Variants in CD99 observed in about 807,000 individuals in gnomAD.
CD99 encodes the protein CD99 molecule (Xg blood group).
Under a neutral mutation model 28.4 loss-of-function variants are expected in CD99, and 19 were observed. The ratio of observed to expected loss-of-function variants is 0.67; its 90% CI spans 0.47 to 0.98. The LOEUF is 0.98. Ranked by LOEUF, CD99 falls within the 50% of genes least tolerant of loss-of-function variation. The pLI, the probability that CD99 is intolerant of heterozygous loss-of-function variation, is 0.00. For missense variants in CD99, 283 were observed against 248.8 expected (o/e 1.14, Z -0.92); for synonymous variants, 103 against 92.1 (o/e 1.12, Z -0.67).
At chrX:2,726,826 T>TG (rs2049312126) in intron 8 of CD99, among the ~76,000 whole-genome samples, 1 of 151,894 alleles carries the variant, frequency 6.6e-6, no homozygotes, top group East Asian at 1.9e-4. Context: ...CTTTCTCCAC[T>TG]GAGAGTTAAG....
Position 2,722,659 on chromosome X carries a change from G to A in CD99, c.295G>A (p.Val99Ile), listed in dbSNP as rs371054157. ...TTCAGATGCTGACCTTGCGGATGGC[G>A]TTTCAGGTGGAGAAGGTACAGTTAT... ...SFSDADLADGVSGGEGKGGSD... is the reference protein window; with the variant it reads ...SFSDADLADGISGGEGKGGSD... Residue 99 changes from valine to isoleucine, a missense_variant, in exon 6 of 10, where the codon GTT (valine) becomes ATT (isoleucine). By Grantham distance (29) the Val-to-Ile change is conservative. Transcript: ENST00000381192. 3.7e-5 allele frequency: 59 copies of A among 1,613,796 alleles called. 1 individual carries two copies. The highest frequency in any genetic ancestry group is 1.3e-4 in the South Asian group (12 of 91,072).
chrX:2,733,458 C>T, intron 8 of CD99: 1 of 1,409,164 alleles, frequency 7.1e-7, no homozygotes, highest in East Asian at 2.5e-5. Context: ...AAAGCAAACC[C>T]TTCCATCTGC....
chrX:2,700,610 G>A (rs891170159), intron 1 of CD99, among the ~76,000 whole-genome samples: 4 of 147,196 alleles, frequency 2.7e-5, no homozygotes, highest in Non-Finnish European at 6.0e-5. Context: ...TTATCCATCC[G>A]TTAATGCACC....
chrX:2,708,616 TG>T (rs2048233648), intron 1 of CD99, among the ~76,000 whole-genome samples: 1 of 152,120 alleles, frequency 6.6e-6, no homozygotes, highest in African/African-American at 2.4e-5. Context: ...GAGATAAGAA[TG>T]GAAGACAAGC....
chrX:2,721,524 G>GGCCTCAAGCAGTCCTCTTGCCTCA (rs2048992785), intron 5 of CD99, among the ~76,000 whole-genome samples: 1 of 152,036 alleles, frequency 6.6e-6, no homozygotes, highest in African/African-American at 2.4e-5. Context: ...TGAAACTCCT[G>GGCCTCAAGCAGTCCTCTTGCCTCA]GCCTCAAGCA....
intron 2 of CD99, chrX:2,715,038 C>G (rs964910661): frequency 1.3e-5 from 2 of 152,344 alleles, no homozygotes; most frequent in African/African-American, 4.8e-5. Flanking sequence ...ATGGAGGTCC[C>G]CAGGAGAGAG....
intron 1 of CD99, among the ~76,000 whole-genome samples, chrX:2,702,731 C>T (rs1311992975): frequency 2.0e-5 from 3 of 152,062 alleles, no homozygotes; most frequent in Non-Finnish European, 4.4e-5. Flanking sequence ...ATGTTCTTCT[C>T]CTTACCCTCG....
chrX:2,733,560 T>G (rs1419453402), intron 8 of CD99: 1 of 605,604 alleles, frequency 1.7e-6, no homozygotes, highest in African/African-American at 1.8e-5. Flanking sequence ...TGCTTTTGCC[T>G]TTCTGGATGC....
chrX:2,710,370 A>G (rs2048338293), intron 1 of CD99, among the ~76,000 whole-genome samples: 1 of 152,034 alleles, frequency 6.6e-6, no homozygotes, highest in Non-Finnish European at 1.5e-5. Flanking sequence ...AGGATGAGTC[A>G]CTTTAAGGGG....
chrX:2,691,365 C>G lies in CD99; in HGVS notation c.5C>G (p.Ala2Gly). Residue 2 changes from alanine (A) to glycine (G), a missense_variant, in exon 1 of 10, where the codon GCC becomes GGC. Transcript: ENST00000381192. Reference sequence around the variant, plus strand: ...CCTGCGCGCTCTGGGCGCACCATGGCCCGCGGGGCTGCGCTGGCGCTGCTG... The same window carrying G: ...CCTGCGCGCTCTGGGCGCACCATGGGCCGCGGGGCTGCGCTGGCGCTGCTG... M[A>G]RGAALALLLF... The G allele has an allele frequency of 6.4e-7, 1 of 1,571,490 alleles. No individual in the cohort carries two copies. Among genetic ancestry groups the G allele is most frequent in the Non-Finnish European group, 8.6e-7 (1 of 1,168,900 alleles).
chrX:2,729,079 C>CG, intron 8 of CD99, among the ~76,000 whole-genome samples: 1 of 152,158 alleles, frequency 6.6e-6, no homozygotes, highest in Non-Finnish European at 1.5e-5. Context: ...GGTTCCCCCC[C>CG]GCAATCTTGG....
intron 1 of CD99, among the ~76,000 whole-genome samples, chrX:2,703,605 A>AGTGTGTGT (rs556444956): frequency 0.012 from 1,647 of 138,466 alleles, 25 homozygotes; most frequent in East Asian, 0.061. Flanking sequence ...CGAGCTGTTA[A>AGTGTGTGT]GTGTGTGTGT....
intron 8 of CD99, among the ~76,000 whole-genome samples, chrX:2,734,577 G>A (rs1355043144): frequency 6.6e-6 from 1 of 150,816 alleles, no homozygotes; most frequent in Non-Finnish European, 1.5e-5. Flanking sequence ...AAAGTGCTGG[G>A]ATTACAGGTG....
At chrX:2,717,962 A>G (rs1193284556) in intron 3 of CD99, 5 of 272,390 alleles carry the variant, frequency 1.8e-5, no homozygotes, top group African/African-American at 3.5e-5. Flanking sequence ...TTTTTTTGAG[A>G]TGGCGTTTCA....
intron 8 of CD99, chrX:2,737,757 A>G (rs1480779130): frequency 6.3e-6 from 2 of 317,314 alleles, no homozygotes; most frequent in East Asian, 7.9e-5. Flanking sequence ...CAGCCTCCCA[A>G]AGTGCTGGGA....
intron 8 of CD99, among the ~76,000 whole-genome samples, chrX:2,731,664 G>T (rs2049614977): frequency 6.6e-6 from 1 of 152,094 alleles, no homozygotes; most frequent in South Asian, 2.1e-4. Context: ...CTCATTTTCC[G>T]GGACTGTGTC....
chrX:2,697,922 G>T (rs2047651819), intron 1 of CD99, among the ~76,000 whole-genome samples: 1 of 151,816 alleles, frequency 6.6e-6, no homozygotes, highest in African/African-American at 2.4e-5. Context: ...TTGGATCTGG[G>T]CAAGCAGGAG....
chrX:2,724,292 A>G (rs933920880), intron 7 of CD99, among the ~76,000 whole-genome samples: 2 of 152,154 alleles, frequency 1.3e-5, no homozygotes, highest in Non-Finnish European at 2.9e-5. Flanking sequence ...AAATCTTTCT[A>G]TGACATGACT....
intron 6 of CD99, 129 bp from the exon 7 acceptor site, chrX:2,723,185 C>G: frequency 2.2e-6 from 2 of 930,174 alleles, no homozygotes; most frequent in Non-Finnish European, 3.6e-6. Flanking sequence ...AGGACCCCAG[C>G]TCTGTAGCTG....
Sources: gnomAD v4.1 joint callset for allele counts (sites outside exome capture counted in the v4.1 genomes callset) on GRCh38, gnomAD v4.1.1 for gene constraint, MANE v1.5 for transcripts, NCBI Gene and HGNC (gene_info 2026-07-23, HGNC 2026-07-21) for gene names.